The following RAD51B variants were observed in gnomAD, a reference collection of about 807,000 sequenced individuals.
The protein encoded by RAD51B is DNA repair protein RAD51 homolog 2.
In RAD51B, 38 loss-of-function variants were observed where a neutral mutation model predicts 42.2. The ratio of observed to expected loss-of-function variants is 0.90; its 90% CI spans 0.70 to 1.18. RAD51B has a LOEUF of 1.18. RAD51B is among the 50% of genes most tolerant of loss of function. The pLI, the probability that RAD51B is intolerant of heterozygous loss-of-function variation, is 0.00. For missense variants in RAD51B, 373 were observed against 400.7 expected (o/e 0.93, Z 0.59); for synonymous variants, 154 against 145.2 (o/e 1.06, Z -0.43).
At chr14:68,378,311 T>G (rs2083412083) in intron 8 of RAD51B, among the ~76,000 whole-genome samples, 1 of 152,194 alleles carries the variant, frequency 6.6e-6, no homozygotes. Flanking sequence ...AAAAGCATGT[T>G]TCTCCCAATA....
chr14:68,016,639 G>A (rs908469954), intron 7 of RAD51B, among the ~76,000 whole-genome samples: 3 of 152,170 alleles, frequency 2.0e-5, no homozygotes, highest in African/African-American at 7.2e-5. Flanking sequence ...TTGTGAAAGA[G>A]TACAAGCCAA....
At chr14:68,555,937 T>C (rs1209979371) in intron 10 of RAD51B, among the ~76,000 whole-genome samples, 2 of 152,198 alleles carry the variant, frequency 1.3e-5, no homozygotes, top group African/African-American at 4.8e-5. Context: ...GGACTGGATG[T>C]TAAGGCTCAA....
At chr14:67,931,268 C>CT (rs1432210028) in intron 7 of RAD51B, among the ~76,000 whole-genome samples, 3 of 152,014 alleles carry the variant, frequency 2.0e-5, no homozygotes, top group Non-Finnish European at 4.4e-5. Flanking sequence ...GAGACTCTTT[C>CT]TTTTGCTTGG....
intron 5 of RAD51B, among the ~76,000 whole-genome samples, chr14:67,878,637 A>T (rs2042805531): frequency 6.6e-6 from 1 of 152,136 alleles, no homozygotes; most frequent in Non-Finnish European, 1.5e-5. Flanking sequence ...AAACTGGAAA[A>T]TTTAAAGAAT....
At chr14:68,402,934 T>C (rs2084154031) in intron 8 of RAD51B, among the ~76,000 whole-genome samples, 1 of 152,180 alleles carries the variant, frequency 6.6e-6, no homozygotes, top group South Asian at 2.1e-4. Flanking sequence ...CTACTCTCCT[T>C]CTCCCACCTG....
chr14:68,418,346 G>A (rs2084614503), intron 9 of RAD51B, among the ~76,000 whole-genome samples: 1 of 152,296 alleles, frequency 6.6e-6, no homozygotes, highest in East Asian at 1.9e-4. Context: ...GACCATCACA[G>A]GACAAATGAC....
chr14:68,095,703 C>T lies in RAD51B; in HGVS notation c.757-196181C>T, dbSNP rs148132761. ...TAAAACAAACAGACTCAGCCAGGCA[C>T]GGTGGCTCATGCCTGTAATCCCAGC... On this transcript the variant is annotated intron_variant, in intron 7 of 10. Transcript: ENST00000471583. 3.7e-3 allele frequency among the ~76,000 whole-genome samples: 563 copies of T among 151,712 alleles called. 6 individuals are homozygous for T. Among genetic ancestry groups the T allele is most frequent in the African/African-American group, 0.013 (538 of 41,324 alleles).
intron 7 of RAD51B, among the ~76,000 whole-genome samples, chr14:68,062,814 CAA>C (rs962527138): frequency 1.0e-4 from 4 of 39,768 alleles, no homozygotes; most frequent in Admixed American, 4.9e-4. Flanking sequence ...GACTCTGTGA[CAA>C]AAAAAAAAAA....
At chr14:67,885,828 G>A in intron 5 of RAD51B, 41 bp from the exon 6 acceptor site, 1 of 1,564,042 alleles carries the variant, frequency 6.4e-7, no homozygotes, top group Non-Finnish European at 8.7e-7. Context: ...GCTTTAAGTA[G>A]AATTGACTGT....
intron 9 of RAD51B, among the ~76,000 whole-genome samples, chr14:68,434,782 A>T (rs1320875849): frequency 6.6e-6 from 1 of 152,178 alleles, no homozygotes; most frequent in African/African-American, 2.4e-5. Context: ...CCCCGGTGAG[A>T]TGAACCCGGT....
intron 7 of RAD51B, among the ~76,000 whole-genome samples, chr14:68,171,184 G>T (rs566361303): frequency 1.3e-5 from 2 of 152,108 alleles, no homozygotes; most frequent in Admixed American, 6.5e-5. Flanking sequence ...TGTCATCATT[G>T]TCTCATATTT....
At chr14:68,616,964 T>G (rs1168178688) in intron 10 of RAD51B, among the ~76,000 whole-genome samples, 1 of 152,172 alleles carries the variant, frequency 6.6e-6, no homozygotes, top group Non-Finnish European at 1.5e-5. Flanking sequence ...TTATGTATGT[T>G]TTTCTTAAAA....
At chr14:68,260,134 C>CT (rs2080847903) in intron 7 of RAD51B, among the ~76,000 whole-genome samples, 1 of 152,028 alleles carries the variant, frequency 6.6e-6, no homozygotes, top group Non-Finnish European at 1.5e-5. Flanking sequence ...ATGAGGAGGA[C>CT]TTGCATTAGC....
intron 8 of RAD51B, among the ~76,000 whole-genome samples, chr14:68,323,995 C>T (rs960075475): frequency 6.6e-6 from 1 of 152,130 alleles, no homozygotes; most frequent in Non-Finnish European, 1.5e-5. Context: ...AAAAGACAGC[C>T]AAGAACAGTA....
At chr14:67,994,452 C>G (rs2075348529) in intron 7 of RAD51B, among the ~76,000 whole-genome samples, 1 of 152,080 alleles carries the variant, frequency 6.6e-6, no homozygotes, top group African/African-American at 2.4e-5. Context: ...AAGATGGTTA[C>G]TATGTTTCAT....
In RAD51B at chr14:68,030,278, T is replaced by G. The variant is rs533344452; in HGVS notation, c.756+143074T>G. ...GACTTTTCCTCTCAAGCTATGAAAA[T>G]CTGAGATGGCATCTTCTTCCAATAG... is the stretch of plus-strand genomic sequence containing the variant. On this transcript the variant is annotated intron_variant, in intron 7 of 10. Coordinates refer to ENST00000471583, the MANE Select transcript of RAD51B (RefSeq NM_133510.4). Among the ~76,000 whole-genome samples, 23 of 152,318 alleles carry G rather than the reference T, an allele frequency of 1.5e-4. 1 individual carries two copies. Among genetic ancestry groups the G allele is most frequent in the Admixed American group, 7.8e-4 (12 of 15,290 alleles).
intron 8 of RAD51B, among the ~76,000 whole-genome samples, chr14:68,312,077 C>T (rs758022343): frequency 3.9e-5 from 6 of 151,976 alleles, no homozygotes; most frequent in African/African-American, 1.2e-4. Flanking sequence ...GGCCCAAGTC[C>T]GTATAGGACA....
chr14:68,524,868 T>C (rs984915922), intron 10 of RAD51B, among the ~76,000 whole-genome samples: 8 of 152,238 alleles, frequency 5.3e-5, no homozygotes, highest in Non-Finnish European at 1.2e-4. Flanking sequence ...GACCACCAGC[T>C]GCTTAGCAGG....
At chr14:68,518,140 C>T (rs897758473) in intron 10 of RAD51B, among the ~76,000 whole-genome samples, 9 of 152,216 alleles carry the variant, frequency 5.9e-5, no homozygotes, top group African/African-American at 1.7e-4. Context: ...CACCTGTGAG[C>T]ATTGTATTGC....
Sources: gnomAD v4.1 joint callset for allele counts (sites outside exome capture counted in the v4.1 genomes callset) on GRCh38, gnomAD v4.1.1 for gene constraint, MANE v1.5 for transcripts, NCBI Gene and HGNC (gene_info 2026-07-23, HGNC 2026-07-21) for gene names.